Variants in PITPNC1 observed in about 807,000 individuals in gnomAD.
PITPNC1 encodes cytoplasmic phosphatidylinositol transfer protein 1.
A neutral mutation model predicts 44.7 loss-of-function variants in PITPNC1; 18 were observed. The observed-to-expected ratio is 0.40, with a 90% CI of 0.28 to 0.60. The LOEUF (loss-of-function observed/expected upper bound fraction) is 0.60, where lower values mean the gene tolerates loss of function less well. Among genes scored for constraint, PITPNC1 ranks in the 20% least tolerant of loss-of-function variants. PITPNC1 has a pLI of 0.39. For synonymous variants in PITPNC1, 141 were observed against 149.6 expected, an observed-to-expected ratio of 0.94 and a Z score of 0.42; for missense variants, 290 against 418.4, an observed-to-expected ratio of 0.69 and a Z score of 2.68.
chr17:67,580,748 A>C lies in PITPNC1; in HGVS notation c.366+2491A>C, dbSNP rs184649276. Among the ~76,000 whole-genome samples, 445 of 152,218 alleles carry C rather than the reference A, an allele frequency of 2.9e-3. 3 individuals carry two copies. The highest frequency in any genetic ancestry group is 0.01 in the African/African-American group (426 of 41,522). On this transcript the variant is annotated intron_variant, in intron 5 of 8. Transcript: ENST00000581322. ...ATGAGTTTATTCAAAACAGCTCTCC[A>C]TTTGAAGAGGTGTAGAGAGGCCAGG...
chr17:67,522,354 A>G (rs2040335648), intron 1 of PITPNC1, among the ~76,000 whole-genome samples: 1 of 151,314 alleles, frequency 6.6e-6, no homozygotes, highest in Non-Finnish European at 1.5e-5. Context: ...CAAACAAAGA[A>G]CTCCCCTGGC....
chr17:67,660,542 G>A (rs2642043), intron 6 of PITPNC1, among the ~76,000 whole-genome samples: 22,774 of 105,132 alleles, frequency 0.22, 2,850 homozygotes, highest in African/African-American at 0.51. Flanking sequence ...TTATTTATTT[G>A]TTTATTTATT....
intron 1 of PITPNC1, among the ~76,000 whole-genome samples, chr17:67,385,105 G>A (rs977533458): frequency 2.0e-5 from 3 of 152,184 alleles, no homozygotes; most frequent in Non-Finnish European, 4.4e-5. Flanking sequence ...TCTGGGAGGT[G>A]AAGCCAGTTG....
intron 2 of PITPNC1, among the ~76,000 whole-genome samples, chr17:67,551,174 GT>G (rs1568037071): frequency 6.9e-5 from 6 of 86,662 alleles, no homozygotes; most frequent in South Asian, 3.6e-4. Flanking sequence ...GGGCTGCACT[GT>G]TCTCTAAGTT....
chr17:67,692,103 C>G (rs1431672571), intron 8 of PITPNC1, among the ~76,000 whole-genome samples: 1 of 151,990 alleles, frequency 6.6e-6, no homozygotes, highest in Non-Finnish European at 1.5e-5. Flanking sequence ...CTAAAGTTGA[C>G]AATAATGACA....
chr17:67,492,987 G>A (rs1023610395), intron 1 of PITPNC1, among the ~76,000 whole-genome samples: 2 of 152,154 alleles, frequency 1.3e-5, no homozygotes, highest in African/African-American at 4.8e-5. Context: ...ATATACGTGG[G>A]CGCTTTTGTG....
At chr17:67,446,687 C>T (rs1283018493) in intron 1 of PITPNC1, among the ~76,000 whole-genome samples, 1 of 151,836 alleles carries the variant, frequency 6.6e-6, no homozygotes, top group Non-Finnish European at 1.5e-5. Flanking sequence ...AAGTCCCCAG[C>T]AGAATAAGCC....
intron 2 of PITPNC1, among the ~76,000 whole-genome samples, chr17:67,540,031 T>A (rs2040584342): frequency 6.6e-6 from 1 of 152,018 alleles, no homozygotes; most frequent in South Asian, 2.1e-4. Context: ...GGGAGAGGAA[T>A]GAGTTGGCAT....
At chr17:67,536,085 T>C (rs1004859836) in intron 2 of PITPNC1, among the ~76,000 whole-genome samples, 1 of 152,148 alleles carries the variant, frequency 6.6e-6, no homozygotes, top group African/African-American at 2.4e-5. Flanking sequence ...GAAGTAATAA[T>C]AATGAAGAAA....
intron 1 of PITPNC1, among the ~76,000 whole-genome samples, chr17:67,523,807 GTTTTT>G (rs11439767): frequency 7.9e-6 from 1 of 125,884 alleles, no homozygotes; most frequent in Non-Finnish European, 1.6e-5. Flanking sequence ...CATGGAAACC[GTTTTT>G]TTTTTTTTTT....
chr17:67,438,720 A>G (rs1598663064), intron 1 of PITPNC1, among the ~76,000 whole-genome samples: 2 of 152,304 alleles, frequency 1.3e-5, no homozygotes, highest in South Asian at 4.1e-4. Flanking sequence ...CCTCTCTTTT[A>G]AATGTTCATT....
chr17:67,421,577 C>A (rs1359311233), intron 1 of PITPNC1, among the ~76,000 whole-genome samples: 1 of 152,138 alleles, frequency 6.6e-6, no homozygotes, highest in African/African-American at 2.4e-5. Context: ...GCCACTGTAC[C>A]AGGCTAGAAT....
intron 6 of PITPNC1, among the ~76,000 whole-genome samples, chr17:67,636,053 C>T (rs1017703498): frequency 6.6e-6 from 1 of 152,158 alleles, no homozygotes; most frequent in Non-Finnish European, 1.5e-5. Flanking sequence ...AATCCCAGCA[C>T]TTTGGGAGGC....
At chr17:67,438,635 A>AT (rs2143914818) in intron 1 of PITPNC1, among the ~76,000 whole-genome samples, 1 of 152,306 alleles carries the variant, frequency 6.6e-6, no homozygotes, top group South Asian at 2.1e-4. Context: ...TGACTTTCTA[A>AT]TGCACAGAAT....
At chr17:67,419,019 C>A (rs1181352899) in intron 1 of PITPNC1, among the ~76,000 whole-genome samples, 2 of 152,170 alleles carry the variant, frequency 1.3e-5, no homozygotes, top group African/African-American at 4.8e-5. Flanking sequence ...CTTGATATTA[C>A]AAAGCTACCA....
intron 1 of PITPNC1, among the ~76,000 whole-genome samples, chr17:67,456,295 T>C (rs2039253655): frequency 6.6e-6 from 1 of 152,232 alleles, no homozygotes; most frequent in Non-Finnish European, 1.5e-5. Flanking sequence ...TGTATGTTGT[T>C]GTATTTTAGA....
At chr17:67,649,799 A>G (rs891024631) in intron 6 of PITPNC1, among the ~76,000 whole-genome samples, 5 of 152,138 alleles carry the variant, frequency 3.3e-5, no homozygotes, top group African/African-American at 9.7e-5. Context: ...TTTGCTAGAA[A>G]GGCTCACAGA....
intron 1 of PITPNC1, among the ~76,000 whole-genome samples, chr17:67,509,200 C>T (rs2040146953): frequency 6.6e-6 from 1 of 150,820 alleles, no homozygotes; most frequent in Non-Finnish European, 1.5e-5. Flanking sequence ...CGCCACTGCA[C>T]TCCAGCCTGG....
At chr17:67,379,104 G>A (rs2037917873) in intron 1 of PITPNC1, 1 of 985,914 alleles carries the variant, frequency 1.0e-6, no homozygotes, top group East Asian at 1.1e-4. Context: ...CACCTTTGTG[G>A]TGATTCCACG....
Sources: allele counts gnomAD v4.1 joint callset (sites outside exome capture counted in the v4.1 genomes callset), GRCh38; gene constraint gnomAD v4.1.1; transcripts MANE v1.5; gene names NCBI Gene and HGNC (gene_info 2026-07-23, HGNC 2026-07-21).